RGS6: variants seen among roughly 807,000 people sequenced by gnomAD.
RGS6 encodes regulator of G protein signaling 6.
Under a neutral mutation model 78.5 loss-of-function variants are expected in RGS6, and 30 were observed. The ratio of observed to expected loss-of-function variants is 0.38; its 90% CI spans 0.29 to 0.52. RGS6 has a LOEUF of 0.52. Among genes scored for constraint, RGS6 ranks in the 20% least tolerant of loss-of-function variants. RGS6 has a pLI of 0.85. For synonymous variants in RGS6, 206 were observed against 206.0 expected (o/e 1.00, Z 0.00); for missense variants, 495 against 609.7 (o/e 0.81, Z 1.98).
intron 17 of RGS6, among the ~76,000 whole-genome samples, chr14:72,557,073 GAC>G (rs2097588884): frequency 6.6e-6 from 1 of 152,242 alleles, no homozygotes. Flanking sequence ...GGGTGAGAAA[GAC>G]AGGAATGGCC....
intron 2 of RGS6, among the ~76,000 whole-genome samples, chr14:72,254,182 AT>A (rs530615949): frequency 4.9e-4 from 75 of 152,206 alleles, no homozygotes; most frequent in Non-Finnish European, 9.3e-4. Flanking sequence ...TTTTTAGTTC[AT>A]TTTTTAGTGG....
chr14:72,410,951 A>AT (rs1214814747), intron 3 of RGS6, among the ~76,000 whole-genome samples: 1 of 152,200 alleles, frequency 6.6e-6, no homozygotes, highest in Non-Finnish European at 1.5e-5. Context: ...TACCAGTACC[A>AT]TGCTGTTTTG....
chr14:72,263,391 G>A lies in RGS6; in HGVS notation c.85-88704G>A, dbSNP rs185788050. ...CGACCCAGCCTTGTCACCACCTGGA[G>A]ATTTGGCTCCAGCCTGGCTAACCAC... is the stretch of plus-strand genomic sequence containing the variant. On this transcript the variant is annotated intron_variant, in intron 2 of 17. Transcript: ENST00000553525. 3.3e-5 allele frequency among the ~76,000 whole-genome samples: 5 copies of A among 152,272 alleles called. No individual in the cohort carries two copies. The East Asian group carries it at 7.7e-4, about 24-fold the overall frequency.
intron 2 of RGS6, among the ~76,000 whole-genome samples, chr14:71,998,929 A>C (rs1266214358): frequency 6.6e-6 from 1 of 152,188 alleles, no homozygotes; most frequent in Admixed American, 6.5e-5. Context: ...TGTTCCAATA[A>C]AACTTTATTT....
intron 1 of RGS6, among the ~76,000 whole-genome samples, chr14:71,936,032 A>ATATATACATATATATATATATATG (rs1566863581): frequency 1.4e-5 from 2 of 142,022 alleles, no homozygotes; most frequent in East Asian, 2.0e-4. Flanking sequence ...ATATATATAT[A>ATATATACATATATATATATATATG]TATATATATG....
intron 12 of RGS6, among the ~76,000 whole-genome samples, chr14:72,487,183 G>A (rs1024168894): frequency 1.3e-5 from 2 of 152,164 alleles, no homozygotes; most frequent in African/African-American, 4.8e-5. Flanking sequence ...ATGAACACTG[G>A]GTTTATTTGC....
At chr14:72,323,700 G>A (rs1377787977) in intron 2 of RGS6, among the ~76,000 whole-genome samples, 1 of 149,036 alleles carries the variant, frequency 6.7e-6, no homozygotes, top group Non-Finnish European at 1.5e-5. Flanking sequence ...TACTTGGGAG[G>A]CTTAGGCAGG....
intron 16 of RGS6, 100 bp downstream of exon 16, chr14:72,536,375 A>C: frequency 1.1e-6 from 1 of 882,654 alleles, no homozygotes; most frequent in Non-Finnish European, 1.9e-6. Context: ...GGTTTTATTT[A>C]TTTCCTACTT....
chr14:72,160,878 C>T (rs1259927260), intron 2 of RGS6, among the ~76,000 whole-genome samples: 2 of 152,164 alleles, frequency 1.3e-5, no homozygotes, highest in African/African-American at 4.8e-5. Flanking sequence ...ATAGCCCTAC[C>T]AAACTAATAC....
chr14:72,425,719 A>G (rs2094407384), intron 3 of RGS6, among the ~76,000 whole-genome samples: 1 of 152,204 alleles, frequency 6.6e-6, no homozygotes, highest in South Asian at 2.1e-4. Context: ...TTGGTTCAAC[A>G]TGTTTTGAAA....
intron 2 of RGS6, among the ~76,000 whole-genome samples, chr14:72,282,977 T>C (rs549161770): frequency 6.6e-6 from 1 of 152,308 alleles, no homozygotes; most frequent in East Asian, 1.9e-4. Context: ...ACTCTCTGCT[T>C]CTATGGTTTT....
In RGS6 at chr14:72,501,148, G is replaced by A. The variant is rs116843621; in HGVS notation, c.965+5886G>A. On this transcript the variant is annotated intron_variant, in intron 13 of 17. Transcript: ENST00000553525. ...TGGGTGAAGGGGTCCAGGCAGGCTCGTTATGATTTCCAGGGCCCAGGATGT... is the reference window on the plus strand; with the variant it reads ...TGGGTGAAGGGGTCCAGGCAGGCTCATTATGATTTCCAGGGCCCAGGATGT... 4.1e-3 allele frequency among the ~76,000 whole-genome samples: 630 copies of A among 152,168 alleles called. 21 individuals are homozygous for A. Among genetic ancestry groups the A allele is most frequent in the Admixed American group, 0.035 (534 of 15,286 alleles).
chr14:71,904,589 G>A, the RGS6 span, among the ~76,000 whole-genome samples: 1 of 152,236 alleles, frequency 6.6e-6, no homozygotes, highest in Non-Finnish European at 1.5e-5. Context: ...GAGTTCCATG[G>A]AGACCAGCTC....
chr14:72,039,285 C>T lies in RGS6; in HGVS notation c.84+74410C>T, dbSNP rs536793221. Among the ~76,000 whole-genome samples, 3 of 152,210 alleles carry T rather than the reference C, an allele frequency of 2.0e-5. No individual in the cohort carries two copies. In the South Asian group the frequency reaches 6.2e-4, roughly 32 times the overall value. ...TGGTCTTGTCCTTGTCCTGTACCCGCAAAGATAAGCTGGTAGTTGACATTG... is the reference window on the plus strand; with the variant it reads ...TGGTCTTGTCCTTGTCCTGTACCCGTAAAGATAAGCTGGTAGTTGACATTG... On this transcript the variant is annotated intron_variant, in intron 2 of 17. Coordinates refer to ENST00000553525, the MANE Select transcript of RGS6 (RefSeq NM_001204424.2).
Position 72,477,077 on chromosome 14 carries a change from TC to T in RGS6, c.792+240del, listed in dbSNP as rs1216071431. ...ACTAGAAAAGGGCGTAAATGAGTCATCCCATGCCTTGGGGTAACTGCTGTAA... is the reference window on the plus strand; with the variant it reads ...ACTAGAAAAGGGCGTAAATGAGTCATCCATGCCTTGGGGTAACTGCTGTAA... On this transcript the variant is annotated intron_variant, in intron 11 of 17. Coordinates refer to ENST00000553525, the MANE Select transcript of RGS6 (RefSeq NM_001204424.2). 8.2e-6 allele frequency: 4 copies of T among 486,280 alleles called. No homozygotes were observed. In the East Asian group the frequency reaches 1.2e-4, roughly 14 times the overall value. The allele number at this position is 486,280 out of a possible 1,614,324, so 30.1% of individuals were successfully genotyped here.
chr14:72,544,984 G>A (rs1389789999), intron 17 of RGS6, among the ~76,000 whole-genome samples: 1 of 152,226 alleles, frequency 6.6e-6, no homozygotes, highest in Non-Finnish European at 1.5e-5. Context: ...CCCCAGGAAG[G>A]CGGTGTTGTT....
chr14:72,045,726 A>G (rs1353920308), intron 2 of RGS6, among the ~76,000 whole-genome samples: 5 of 151,606 alleles, frequency 3.3e-5, no homozygotes, highest in African/African-American at 9.7e-5. Flanking sequence ...AAAAGCTCCC[A>G]TAATGAGATA....
intron 3 of RGS6, among the ~76,000 whole-genome samples, chr14:72,354,902 T>C (rs1355231822): frequency 2.0e-5 from 3 of 152,110 alleles, no homozygotes; most frequent in Admixed American, 1.3e-4. Context: ...TCATGTATAA[T>C]ATACAGTATA....
intron 2 of RGS6, among the ~76,000 whole-genome samples, chr14:72,227,031 C>T (rs1271213941): frequency 6.6e-6 from 1 of 152,132 alleles, no homozygotes; most frequent in Non-Finnish European, 1.5e-5. Context: ...CAGATATATA[C>T]ACAACATTCA....
Sources: allele counts gnomAD v4.1 joint callset (sites outside exome capture counted in the v4.1 genomes callset), GRCh38; gene constraint gnomAD v4.1.1; transcripts MANE v1.5; gene names NCBI Gene and HGNC (gene_info 2026-07-23, HGNC 2026-07-21).